MX2: variants seen among roughly 807,000 people sequenced by gnomAD.
The protein encoded by MX2 is interferon-induced GTP-binding protein Mx2.
Under a neutral mutation model 74.0 loss-of-function variants are expected in MX2, and 51 were observed. The observed-to-expected ratio is 0.69, with a 90% CI of 0.55 to 0.87. The LOEUF (loss-of-function observed/expected upper bound fraction) is 0.87, where lower values mean the gene tolerates loss of function less well. Ranked by LOEUF, MX2 falls within the 40% of genes least tolerant of loss-of-function variation. The pLI is 0.00. For synonymous variants in MX2, 369 were observed against 339.3 expected (o/e 1.09, Z -0.96); for missense variants, 832 against 908.7 (o/e 0.92, Z 1.09).
intron 1 of MX2, among the ~76,000 whole-genome samples, chr21:41,367,989 T>A (rs190020090): frequency 2.1e-4 from 32 of 152,298 alleles, no homozygotes; most frequent in African/African-American, 6.5e-4. Context: ...TCACCAGCTG[T>A]CTTCTTGGTT....
intron 1 of MX2, chr21:41,364,205 C>T (rs1038754454): frequency 6.6e-6 from 1 of 152,460 alleles, no homozygotes; most frequent in African/African-American, 2.4e-5. Context: ...CTTCCTGGGC[C>T]TTCACCCCGC....
At chr21:41,400,326 T>G (rs570141468) in intron 10 of MX2, among the ~76,000 whole-genome samples, 1 of 152,272 alleles carries the variant, frequency 6.6e-6, no homozygotes, top group South Asian at 2.1e-4. Flanking sequence ...GTTTTTTAAC[T>G]GCTAAAATGT....
chr21:41,383,288 A>C (rs940173681), intron 5 of MX2, among the ~76,000 whole-genome samples: 1 of 152,246 alleles, frequency 6.6e-6, no homozygotes, highest in African/African-American at 2.4e-5. Context: ...CAAGCCCAGG[A>C]GGTCAAGGCT....
chr21:41,398,227 T>A (rs567539555), intron 8 of MX2, among the ~76,000 whole-genome samples: 1 of 152,330 alleles, frequency 6.6e-6, no homozygotes, highest in East Asian at 1.9e-4. Context: ...GAGAATCGCT[T>A]GAACCCGGAA....
chr21:41,390,631 A>T lies in MX2; in HGVS notation c.799A>T (p.Asn267Tyr). 1 of 1,614,216 alleles carries T rather than the reference A, an allele frequency of 6.2e-7. No homozygotes were observed. The highest frequency in any genetic ancestry group is 2.2e-5 in the East Asian group (1 of 44,886). The change falls in exon 6 of 14, where the codon AAC becomes TAC. Residue 267 changes from asparagine (N) to tyrosine (Y), a missense_variant. Coordinates refer to ENST00000330714, the MANE Select transcript of MX2 (RefSeq NM_002463.2). ...QTINLVVVPC[N>Y]VDIATTEALS... ...GATCAACTTGGTGGTGGTTCCCTGT[A>T]ACGTGGACATTGCCACCACGGAGGC...
In MX2 at chr21:41,402,460, G is replaced by T. The variant is rs568738265; in HGVS notation, c.1573+332G>T. 1.3e-5 allele frequency among the ~76,000 whole-genome samples: 2 copies of T among 152,198 alleles called. No homozygotes were observed. Among genetic ancestry groups the T allele is most frequent in the Non-Finnish European group, 2.9e-5 (2 of 68,040 alleles). ...AGATGGTTTCTCTTGTCTTTGGGGGGCAGGCAGAGGGTGCACATGCACTTC... is the reference window on the plus strand; with the variant it reads ...AGATGGTTTCTCTTGTCTTTGGGGGTCAGGCAGAGGGTGCACATGCACTTC... On this transcript the variant is annotated intron_variant, in intron 11 of 13. Coordinates refer to ENST00000330714, the MANE Select transcript of MX2 (RefSeq NM_002463.2). The surrounding 1 kb of genome is among the most constrained non-coding windows in gnomAD (Gnocchi z 4.5).
intron 10 of MX2, among the ~76,000 whole-genome samples, chr21:41,400,468 C>G: frequency 6.6e-6 from 1 of 152,112 alleles, no homozygotes. Context: ...CCCATGTGCT[C>G]CAGCCCAGGT....
At chr21:41,375,657 T>A (rs978790840) in intron 1 of MX2, among the ~76,000 whole-genome samples, 4 of 152,232 alleles carry the variant, frequency 2.6e-5, no homozygotes, top group Non-Finnish European at 5.9e-5. Flanking sequence ...AGGACACCTG[T>A]GATGAGATTT....
chr21:41,403,201 GT>G, intron 11 of MX2, 65 bp from the exon 12 acceptor site: 1 of 1,345,122 alleles, frequency 7.4e-7, no homozygotes, highest in South Asian at 1.2e-5. Context: ...TCTTTAACCA[GT>G]TTTATTTCTG....
intron 5 of MX2, among the ~76,000 whole-genome samples, chr21:41,383,048 C>G (rs1030321415): frequency 6.6e-6 from 1 of 152,200 alleles, no homozygotes; most frequent in Non-Finnish European, 1.5e-5. Context: ...TGTGGCTTCT[C>G]TGCCAACAAC....
intron 4 of MX2, among the ~76,000 whole-genome samples, chr21:41,381,959 G>A (rs1385408875): frequency 6.6e-6 from 1 of 152,210 alleles, no homozygotes; most frequent in Non-Finnish European, 1.5e-5. Context: ...AGGAAGCCAT[G>A]ATGCATTTAG....
At chr21:41,362,414 C>T (rs1388572507) in intron 1 of MX2, among the ~76,000 whole-genome samples, 1 of 151,850 alleles carries the variant, frequency 6.6e-6, no homozygotes, top group Admixed American at 6.6e-5. Flanking sequence ...AGCTTTGTGC[C>T]CGAAAAGTCG....
At position 41,398,870 on chromosome 21, in the gene MX2, T is replaced by C. The variant is rs768586462; in HGVS notation, c.1150-27T>C. The stretch of plus-strand genomic sequence containing the variant: ...GTTGGCCAATCTCTTAAGCCGCAGT[T>C]TGATTGTTTGCAATTGTTTTGTTTA... On this transcript the variant is annotated intron_variant, in intron 8 of 13. Transcript: ENST00000330714. 8 of 1,606,390 alleles carry C rather than the reference T, an allele frequency of 5.0e-6. No homozygotes were observed. In the African/African-American group the frequency reaches 1.1e-4, roughly 21 times the overall value.
At position 41,384,921 on chromosome 21, in the gene MX2, TAAA is replaced by T. The variant is rs560387410; in HGVS notation, c.732+2358_732+2360del. ...TTCTTTTGTTTCTTTAATTCTTGCTTAAATCATTACAAAGGGATTTTGTTATTG... is the reference window on the plus strand; with the variant it reads ...TTCTTTTGTTTCTTTAATTCTTGCTTTCATTACAAAGGGATTTTGTTATTG... On this transcript the variant is annotated intron_variant, in intron 5 of 13. Coordinates refer to ENST00000330714, the MANE Select transcript of MX2 (RefSeq NM_002463.2). 3.3e-4 allele frequency among the ~76,000 whole-genome samples: 50 copies of T among 152,294 alleles called. 1 individual carries two copies. In the East Asian group the frequency reaches 6.2e-3, roughly 19 times the overall value.
intron 1 of MX2, among the ~76,000 whole-genome samples, chr21:41,371,169 G>A (rs1177833911): frequency 1.3e-5 from 2 of 152,216 alleles, no homozygotes; most frequent in African/African-American, 4.8e-5. Flanking sequence ...GTCACAAGAA[G>A]TTCAATCATT....
At chr21:41,370,992 G>A (rs2089317818) in intron 1 of MX2, among the ~76,000 whole-genome samples, 1 of 152,190 alleles carries the variant, frequency 6.6e-6, no homozygotes, top group African/African-American at 2.4e-5. Flanking sequence ...GTCATTCTTA[G>A]GGTGGGCTAG....
At chr21:41,403,701 A>C (rs2089847672) in intron 12 of MX2, 1 of 496,910 alleles carries the variant, frequency 2.0e-6, no homozygotes, top group East Asian at 6.1e-5. Flanking sequence ...CCAAATTTGT[A>C]TGTTTGACTC....
At chr21:41,390,517 C>T (rs1277700426) in intron 5 of MX2, 48 bp from the exon 6 acceptor site, 1 of 1,610,974 alleles carries the variant, frequency 6.2e-7, no homozygotes, top group African/African-American at 1.3e-5. Flanking sequence ...TGCTGAGTGA[C>T]CAGAAGTGAG....
chr21:41,404,114 C>T (rs1265398320), intron 12 of MX2: 3 of 162,760 alleles, frequency 1.8e-5, no homozygotes, highest in Admixed American at 1.8e-4. Flanking sequence ...CTGCCCAGCC[C>T]CGCCGGGACA....
Sources: gnomAD v4.1 joint callset for allele counts (sites outside exome capture counted in the v4.1 genomes callset) on GRCh38, gnomAD v4.1.1 for gene constraint, Gnocchi (gnomAD v3.1) non-coding constraint, MANE v1.5 for transcripts, NCBI Gene and HGNC (gene_info 2026-07-23, HGNC 2026-07-21) for gene names.